CA10: variants seen among roughly 807,000 people sequenced by gnomAD.
CA10 encodes carbonic anhydrase-related protein 10.
Under a neutral mutation model 44.2 loss-of-function variants are expected in CA10, and 14 were observed. The observed-to-expected ratio is 0.32, with a 90% CI of 0.21 to 0.50. The LOEUF (loss-of-function observed/expected upper bound fraction) is 0.50. Among genes scored for constraint, CA10 ranks in the 20% least tolerant of loss-of-function variants. The pLI is 0.99. For missense variants in CA10, 350 were observed against 409.7 expected (o/e 0.85, Z 1.26); for synonymous variants, 159 against 141.6 (o/e 1.12, Z -0.87).
intron 3 of CA10, among the ~76,000 whole-genome samples, chr17:51,893,550 C>T (rs939747722): frequency 6.6e-6 from 1 of 152,112 alleles, no homozygotes; most frequent in Non-Finnish European, 1.5e-5. Flanking sequence ...AGCTAAGGTC[C>T]ATGGAAATGA....
intron 4 of CA10, among the ~76,000 whole-genome samples, chr17:51,679,001 T>C (rs1292303474): frequency 2.0e-5 from 3 of 152,202 alleles, no homozygotes; most frequent in African/African-American, 7.2e-5. Context: ...CGTTCATTCA[T>C]TCCTTCATGT....
At chr17:51,753,349 T>C (rs1454163251) in intron 3 of CA10, among the ~76,000 whole-genome samples, 1 of 152,236 alleles carries the variant, frequency 6.6e-6, no homozygotes. Flanking sequence ...ATTAGATGTC[T>C]TTGCATAGCA....
intron 5 of CA10, among the ~76,000 whole-genome samples, chr17:51,652,685 G>GAGGGATCA (rs1913620039): frequency 6.6e-6 from 1 of 152,236 alleles, no homozygotes; most frequent in Admixed American, 6.5e-5. Flanking sequence ...GGGGCGGGGA[G>GAGGGATCA]AGGGATCAGT....
intron 2 of CA10, among the ~76,000 whole-genome samples, chr17:52,053,737 C>T (rs946918267): frequency 1.3e-4 from 20 of 152,082 alleles, no homozygotes; most frequent in African/African-American, 4.6e-4. Context: ...CAGCTGAAGC[C>T]ATGGCAGAAG....
chr17:51,936,119 A>C lies in CA10; in HGVS notation c.137-4987T>G, dbSNP rs908487800. Reference sequence around the variant, plus strand: ...ATTCAATTCAAAAGCATTTACTGACAGCCTCTGATGTGCCAGGCATTAGGG... The same window carrying C: ...ATTCAATTCAAAAGCATTTACTGACCGCCTCTGATGTGCCAGGCATTAGGG... On this transcript the variant is annotated intron_variant, in intron 2 of 8. Transcript: ENST00000451037. Among the ~76,000 whole-genome samples the C allele has an allele frequency of 4.6e-5, 7 of 152,300 alleles. No individual in the cohort carries two copies. In the East Asian group the frequency reaches 7.7e-4, roughly 17 times the overall value.
intron 3 of CA10, among the ~76,000 whole-genome samples, chr17:51,884,833 C>G (rs139362766): frequency 6.6e-6 from 1 of 152,170 alleles, no homozygotes; most frequent in Non-Finnish European, 1.5e-5. Context: ...ATGGTAGTCA[C>G]CAGCAATCCT....
At chr17:51,846,314 T>C (rs1017166704) in intron 3 of CA10, among the ~76,000 whole-genome samples, 1 of 152,242 alleles carries the variant, frequency 6.6e-6, no homozygotes, top group African/African-American at 2.4e-5. Flanking sequence ...CAAATCCATT[T>C]ATACAGCAGC....
intron 3 of CA10, among the ~76,000 whole-genome samples, chr17:51,760,172 C>T (rs1905180606): frequency 6.6e-6 from 1 of 152,236 alleles, no homozygotes; most frequent in Non-Finnish European, 1.5e-5. Flanking sequence ...TCCTTCTTAA[C>T]ATTCCCCGTG....
At chr17:52,002,966 C>T (rs1329421059) in intron 2 of CA10, among the ~76,000 whole-genome samples, 2 of 151,976 alleles carry the variant, frequency 1.3e-5, no homozygotes, top group African/African-American at 4.8e-5. Flanking sequence ...TTATACAATC[C>T]TTCCTTCTCT....
chr17:51,906,078 G>C (rs1229521535), intron 3 of CA10, among the ~76,000 whole-genome samples: 1 of 152,088 alleles, frequency 6.6e-6, no homozygotes, highest in Admixed American at 6.6e-5. Context: ...AGCATCACCA[G>C]TGAATTGGAT....
chr17:52,026,021 C>T (rs531982023), intron 2 of CA10, among the ~76,000 whole-genome samples: 1 of 151,822 alleles, frequency 6.6e-6, no homozygotes, highest in South Asian at 2.1e-4. Flanking sequence ...TGTACACATA[C>T]ATGTACACAC....
intron 3 of CA10, among the ~76,000 whole-genome samples, chr17:51,829,050 T>C (rs1038988963): frequency 9.2e-5 from 14 of 152,318 alleles, no homozygotes; most frequent in Non-Finnish European, 1.6e-4. Flanking sequence ...TTCCAGCTCA[T>C]AGCCTGTGTT....
At chr17:51,917,220 C>T (rs1351628368) in intron 3 of CA10, among the ~76,000 whole-genome samples, 1 of 130,240 alleles carries the variant, frequency 7.7e-6, no homozygotes, top group African/African-American at 2.5e-5. Flanking sequence ...CTTGATGGCA[C>T]CCAATGTGGA....
intron 4 of CA10, among the ~76,000 whole-genome samples, chr17:51,670,697 T>G (rs1264453170): frequency 6.6e-6 from 1 of 152,132 alleles, no homozygotes; most frequent in Non-Finnish European, 1.5e-5. Context: ...CCACCACTAG[T>G]GAATTCTAGT....
chr17:51,860,681 T>C (rs1311019740), intron 3 of CA10, among the ~76,000 whole-genome samples: 1 of 152,222 alleles, frequency 6.6e-6, no homozygotes, highest in Non-Finnish European at 1.5e-5. Context: ...TATATGCCAG[T>C]AACATATAAT....
At chr17:51,850,974 C>A (rs934915254) in intron 3 of CA10, among the ~76,000 whole-genome samples, 25 of 152,246 alleles carry the variant, frequency 1.6e-4, no homozygotes, top group African/African-American at 6.0e-4. Flanking sequence ...GGCAAGCTGC[C>A]CCTTCTTCCC....
chr17:52,081,785 G>A (rs1308589726), intron 1 of CA10, among the ~76,000 whole-genome samples: 1 of 129,794 alleles, frequency 7.7e-6, no homozygotes, highest in East Asian at 2.2e-4. Context: ...GGGCGACAGA[G>A]CGAGACTCCG....
rs1014607259 is a variant in CA10 at position 51,633,779 on chromosome 17, A to C, written c.790-129T>G. The C allele has an allele frequency of 7.4e-6, 7 of 939,706 alleles. No individual in the cohort carries two copies. In the African/African-American group the frequency reaches 9.9e-5, roughly 13 times the overall value. The allele number at this position is 939,706 out of a possible 1,614,324, so 58.2% of individuals were successfully genotyped here. A position where few individuals can be genotyped will look rare whatever the true frequency, so the allele number is the denominator to read the frequency against. On this transcript the variant is annotated intron_variant, in intron 7 of 8. Coordinates refer to ENST00000451037, the MANE Select transcript of CA10 (RefSeq NM_020178.5). ...ATGAGGAAAGGGCTGTATAAGCCCCACAGAGTCCCTTTTTTCCATGGGTTC... is the reference window on the plus strand; with the variant it reads ...ATGAGGAAAGGGCTGTATAAGCCCCCCAGAGTCCCTTTTTTCCATGGGTTC...
intron 3 of CA10, among the ~76,000 whole-genome samples, chr17:51,837,243 C>T (rs1336770206): frequency 1.3e-5 from 2 of 152,126 alleles, no homozygotes; most frequent in African/African-American, 2.4e-5. Context: ...CGGGCCTTTG[C>T]ACAGCTTTCC....
Sources: allele counts gnomAD v4.1 joint callset (sites outside exome capture counted in the v4.1 genomes callset), GRCh38; gene constraint gnomAD v4.1.1; transcripts MANE v1.5; gene names NCBI Gene and HGNC (gene_info 2026-07-23, HGNC 2026-07-21).